Variants in ZNF654 observed in about 807,000 individuals in gnomAD.
The protein encoded by ZNF654 is zinc finger protein 654, also known as melanoma-associated antigen.
ZNF654 carries 19 observed loss-of-function variants against 95.3 expected under a neutral mutation model. That is an observed-to-expected ratio of 0.20 (90% CI 0.14 to 0.29). The LOEUF (loss-of-function observed/expected upper bound fraction) is 0.29, where lower values mean the gene tolerates loss of function less well. ZNF654 is among the 10% of genes least tolerant of loss of function. The pLI, the probability that ZNF654 is intolerant of heterozygous loss-of-function variation, is 1.00. For synonymous variants in ZNF654, 413 were observed against 457.9 expected, an observed-to-expected ratio of 0.90 and a Z score of 1.25; for missense variants, 1,046 against 1,341.0, an observed-to-expected ratio of 0.78 and a Z score of 3.44.
At chr3:88,099,524 T>C (rs970834781) in intron 2 of ZNF654, among the ~76,000 whole-genome samples, 4 of 149,914 alleles carry the variant, frequency 2.7e-5, no homozygotes, top group African/African-American at 9.8e-5. Flanking sequence ...GCCAAGACAA[T>C]CCTAAGCCAA....
At chr3:88,116,263 G>A (rs1271694201) in intron 3 of ZNF654, among the ~76,000 whole-genome samples, 4 of 152,120 alleles carry the variant, frequency 2.6e-5, no homozygotes, top group Admixed American at 1.3e-4. Context: ...GTTCACCCCT[G>A]TAATCCCAGC....
chr3:88,139,494 G>A lies in ZNF654; in HGVS notation c.1825G>A (p.Asp609Asn). 6.2e-7 allele frequency: 1 copy of A among 1,613,682 alleles called. No homozygotes were observed. Among genetic ancestry groups the A allele is most frequent in the Non-Finnish European group, 8.5e-7 (1 of 1,179,760 alleles). ...GCAGCAAATTGCTGCAGCTCAACAG[G>A]ATGATCAGGAAGTCACTGCTTTGGA... ...QRQQIAAAQQDDQEVTALEEI... is the reference protein window; with the variant it reads ...QRQQIAAAQQNDQEVTALEEI... Residue 609 changes from aspartate (D) to asparagine (N), a missense_variant, in exon 8 of 9, where the codon GAT (aspartate) becomes AAT (asparagine). By Grantham distance (23) the Asp-to-Asn change is conservative (BLOSUM62 1). Transcript: ENST00000636215.
intron 2 of ZNF654, among the ~76,000 whole-genome samples, chr3:88,111,355 A>G (rs1230384809): frequency 6.6e-6 from 1 of 151,908 alleles, no homozygotes; most frequent in East Asian, 1.9e-4. Context: ...ATCCTGCTAG[A>G]TAGTCTGACA....
Position 88,129,756 on chromosome 3 carries a change from A to G in ZNF654, c.823A>G (p.Met275Val). Residue 275 changes from methionine to valine, a missense_variant, in exon 6 of 9, where the codon ATG becomes GTG. Around this residue, in one of 9 missense-constraint regions of ZNF654, gnomAD observed 121 missense variants for 141.7 expected, o/e 0.85. Transcript: ENST00000636215. ...ICNAEKEGKT[M>V]LALQLCESFL... ...TAATGCTGAAAAAGAAGGCAAAACT[A>G]TGTTAGCCTTGCAACTCTGTGAATC... 6 of 1,529,172 alleles carry G rather than the reference A, an allele frequency of 3.9e-6. No homozygotes were observed. The highest frequency in any genetic ancestry group is 5.3e-6 in the Non-Finnish European group (6 of 1,142,144). The allele number at this position is 1,529,172 out of a possible 1,614,324, so 94.7% of individuals were successfully genotyped here.
chr3:88,070,563 GTTTTTTT>G (rs67079285), intron 1 of ZNF654, among the ~76,000 whole-genome samples: 1 of 111,328 alleles, frequency 9.0e-6, no homozygotes, highest in African/African-American at 4.2e-5. Context: ...AACACTGCCT[GTTTTTTT>G]TTTTTTTTTT....
In ZNF654 at chr3:88,061,464, A is replaced by T. The variant is rs188426734; in HGVS notation, c.186+1959A>T. 1.7e-4 allele frequency among the ~76,000 whole-genome samples: 26 copies of T among 152,282 alleles called. 1 individual carries two copies. The East Asian group carries it at 4.6e-3, about 27-fold the overall frequency. ...AATTATGTTAGACTGACATACTTTCATGTTACCAACTTTTACCTGAAACAT... is the reference window on the plus strand; with the variant it reads ...AATTATGTTAGACTGACATACTTTCTTGTTACCAACTTTTACCTGAAACAT... On this transcript the variant is annotated intron_variant, in intron 1 of 8. Transcript: ENST00000636215.
intron 3 of ZNF654, among the ~76,000 whole-genome samples, chr3:88,120,572 A>AT (rs1705706547): frequency 6.6e-6 from 1 of 152,156 alleles, no homozygotes; most frequent in Non-Finnish European, 1.5e-5. Flanking sequence ...GAAGACAAAC[A>AT]TGAGTTTTAC....
chr3:88,100,044 A>C (rs1002215414), intron 2 of ZNF654, among the ~76,000 whole-genome samples: 1 of 152,246 alleles, frequency 6.6e-6, no homozygotes, highest in African/African-American at 2.4e-5. Context: ...GGCAACCTGC[A>C]GAATGGGAGA....
intron 1 of ZNF654, among the ~76,000 whole-genome samples, chr3:88,079,430 A>G (rs929092410): frequency 6.6e-6 from 1 of 152,128 alleles, no homozygotes; most frequent in Non-Finnish European, 1.5e-5. Context: ...TTGATGGGAC[A>G]TTGCATGTTT....
At chr3:88,080,567 A>G (rs1708025734) in intron 1 of ZNF654, among the ~76,000 whole-genome samples, 2 of 152,280 alleles carry the variant, frequency 1.3e-5, no homozygotes, top group African/African-American at 4.8e-5. Context: ...CTAATAAGTG[A>G]CAGAGCTGGA....
At chr3:88,081,262 G>A (rs1054698462) in intron 1 of ZNF654, among the ~76,000 whole-genome samples, 3 of 152,110 alleles carry the variant, frequency 2.0e-5, no homozygotes, top group African/African-American at 7.2e-5. Context: ...TAGTTCACAG[G>A]TGATATTTAC....
intron 1 of ZNF654, among the ~76,000 whole-genome samples, chr3:88,065,998 T>G (rs1037849185): frequency 2.6e-5 from 4 of 152,204 alleles, no homozygotes; most frequent in African/African-American, 9.7e-5. Context: ...CCTCCCATGA[T>G]GCTAGGATTA....
rs113846832 is a variant in ZNF654, at chr3:88,118,136, T to A, written c.414+4940T>A. ...TGCAAGTGGTTTAATGAGCCTGCCCTGACGTTAGAGAAAAGTCTATCCTTA... is the reference window on the plus strand; with the variant it reads ...TGCAAGTGGTTTAATGAGCCTGCCCAGACGTTAGAGAAAAGTCTATCCTTA... On this transcript the variant is annotated intron_variant, in intron 3 of 8. Coordinates refer to ENST00000636215, the MANE Select transcript of ZNF654 (RefSeq NM_001350134.2). Among the ~76,000 whole-genome samples, 1,047 of 152,282 alleles carry A rather than the reference T, an allele frequency of 6.9e-3. 8 individuals are homozygous for A. The highest frequency in any genetic ancestry group is 0.02 in the Middle Eastern group (6 of 294).
chr3:88,088,486 G>C (rs1428958238), intron 2 of ZNF654, among the ~76,000 whole-genome samples: 1 of 152,084 alleles, frequency 6.6e-6, no homozygotes, highest in Non-Finnish European at 1.5e-5. Context: ...AAGGAATAAT[G>C]AGATATGAAA....
intron 2 of ZNF654, among the ~76,000 whole-genome samples, chr3:88,105,803 G>T (rs951651955): frequency 2.0e-5 from 3 of 151,768 alleles, no homozygotes; most frequent in African/African-American, 7.3e-5. Flanking sequence ...ATATCCTTTG[G>T]TATGCTTTAT....
At chr3:88,087,762 G>T (rs1208811570) in intron 2 of ZNF654, among the ~76,000 whole-genome samples, 1 of 152,182 alleles carries the variant, frequency 6.6e-6, no homozygotes, top group Non-Finnish European at 1.5e-5. Flanking sequence ...TTATTTAGGG[G>T]AGAATGCAGA....
At chr3:88,067,354 G>T (rs1707256530) in intron 1 of ZNF654, among the ~76,000 whole-genome samples, 1 of 152,216 alleles carries the variant, frequency 6.6e-6, no homozygotes, top group African/African-American at 2.4e-5. Context: ...TCCAAGGAGA[G>T]ATCTTAGAGA....
intron 2 of ZNF654, among the ~76,000 whole-genome samples, chr3:88,089,102 T>C (rs1708500375): frequency 6.6e-6 from 1 of 151,866 alleles, no homozygotes; most frequent in African/African-American, 2.4e-5. Context: ...AAAATTATAT[T>C]TATTTTGTGA....
At chr3:88,100,648 T>C (rs900752957) in intron 2 of ZNF654, among the ~76,000 whole-genome samples, 1 of 152,216 alleles carries the variant, frequency 6.6e-6, no homozygotes, top group African/African-American at 2.4e-5. Flanking sequence ...GATGAGTTCA[T>C]GTCCTTTGTA....
Sources: allele counts gnomAD v4.1 joint callset (sites outside exome capture counted in the v4.1 genomes callset), GRCh38; gene constraint gnomAD v4.1.1; regional missense constraint gnomAD v4.1.1; transcripts MANE v1.5; gene names NCBI Gene and HGNC (gene_info 2026-07-23, HGNC 2026-07-21).